SPIDR: variants seen among roughly 807,000 people sequenced by gnomAD.
The protein encoded by SPIDR is DNA repair-scaffolding protein.
SPIDR carries 93 observed loss-of-function variants against 104.6 expected under a neutral mutation model. The observed-to-expected ratio is 0.89, with a 90% CI of 0.75 to 1.06. SPIDR has a LOEUF of 1.06. Ranked by LOEUF, SPIDR falls within the 50% of genes least tolerant of loss-of-function variation. The pLI is 0.00. For synonymous variants in SPIDR, 431 were observed against 416.9 expected, an observed-to-expected ratio of 1.03 and a Z score of -0.41; for missense variants, 1,154 against 1,111.2, an observed-to-expected ratio of 1.04 and a Z score of -0.55.
chr8:47,580,780 A>G (rs1199452058), intron 8 of SPIDR, among the ~76,000 whole-genome samples: 1 of 152,206 alleles, frequency 6.6e-6, no homozygotes, highest in Non-Finnish European at 1.5e-5. Flanking sequence ...TATTCCCTGT[A>G]AATGTGAATG....
At chr8:47,597,752 G>C (rs1050255325) in intron 9 of SPIDR, among the ~76,000 whole-genome samples, 1 of 152,098 alleles carries the variant, frequency 6.6e-6, no homozygotes, top group African/African-American at 2.4e-5. Flanking sequence ...GAATTTTACT[G>C]ATCCTAAGCC....
intron 5 of SPIDR, among the ~76,000 whole-genome samples, chr8:47,323,727 A>G (rs1472559574): frequency 1.3e-5 from 2 of 152,198 alleles, no homozygotes; most frequent in Non-Finnish European, 2.9e-5. Context: ...GCAATGCCAG[A>G]TTCCTTTAGG....
intron 5 of SPIDR, among the ~76,000 whole-genome samples, chr8:47,336,215 A>C (rs1234514822): frequency 6.6e-6 from 1 of 151,784 alleles, no homozygotes; most frequent in Admixed American, 6.6e-5. Flanking sequence ...AAATCTGTTC[A>C]CCACTTGTTT....
At chr8:47,469,664 A>G (rs2075398176) in intron 8 of SPIDR, among the ~76,000 whole-genome samples, 1 of 152,176 alleles carries the variant, frequency 6.6e-6, no homozygotes, top group South Asian at 2.1e-4. Context: ...AGTGGGCACT[A>G]AATTATGAGA....
intron 8 of SPIDR, among the ~76,000 whole-genome samples, chr8:47,509,999 A>G (rs2082071514): frequency 6.6e-6 from 1 of 152,200 alleles, no homozygotes; most frequent in South Asian, 2.1e-4. Flanking sequence ...AATTTGTGTC[A>G]TGTCAAATGT....
At chr8:47,447,598 T>C (rs2070907216) in intron 8 of SPIDR, among the ~76,000 whole-genome samples, 1 of 152,206 alleles carries the variant, frequency 6.6e-6, no homozygotes, top group Admixed American at 6.5e-5. Flanking sequence ...TTTAGAGTAT[T>C]CCATAAACTT....
At chr8:47,409,241 G>A (rs188444580) in intron 7 of SPIDR, among the ~76,000 whole-genome samples, 1,920 of 152,162 alleles carry the variant, frequency 0.013, 133 homozygotes, top group Admixed American at 0.11. Context: ...TGGATGTCAA[G>A]GACTTGTACT....
intron 4 of SPIDR, among the ~76,000 whole-genome samples, chr8:47,292,189 A>G (rs1439147923): frequency 6.6e-6 from 1 of 152,196 alleles, no homozygotes; most frequent in Non-Finnish European, 1.5e-5. Context: ...CAGTGTCTTA[A>G]TGTTTTCAAA....
chr8:47,322,734 T>C (rs1014016067), intron 5 of SPIDR, among the ~76,000 whole-genome samples: 4 of 152,112 alleles, frequency 2.6e-5, no homozygotes, highest in Non-Finnish European at 5.9e-5. Flanking sequence ...GTGGCACATA[T>C]ACACCATGGA....
intron 5 of SPIDR, among the ~76,000 whole-genome samples, chr8:47,300,338 C>G (rs1351873418): frequency 6.6e-6 from 1 of 152,142 alleles, no homozygotes; most frequent in Non-Finnish European, 1.5e-5. Flanking sequence ...TGATTCTTCT[C>G]TCTTTTCTTC....
chr8:47,303,928 C>T (rs1370677866), intron 5 of SPIDR, among the ~76,000 whole-genome samples: 5 of 152,118 alleles, frequency 3.3e-5, no homozygotes, highest in African/African-American at 4.8e-5. Flanking sequence ...CCACCCACCT[C>T]GGCCTCCCAA....
At chr8:47,316,695 G>A (rs1015434219) in intron 5 of SPIDR, among the ~76,000 whole-genome samples, 1 of 152,160 alleles carries the variant, frequency 6.6e-6, no homozygotes, top group Non-Finnish European at 1.5e-5. Flanking sequence ...TCGATAGTGG[G>A]GTGGGGATTA....
intron 8 of SPIDR, among the ~76,000 whole-genome samples, chr8:47,503,063 G>A (rs954349784): frequency 6.6e-6 from 1 of 152,128 alleles, no homozygotes; most frequent in Non-Finnish European, 1.5e-5. Flanking sequence ...CCAACTATGT[G>A]GTCAGTTTTG....
At chr8:47,664,373 GATTTCAAACCAGCC>G (rs2074583857) in intron 10 of SPIDR, among the ~76,000 whole-genome samples, 1 of 152,066 alleles carries the variant, frequency 6.6e-6, no homozygotes, top group Non-Finnish European at 1.5e-5. Flanking sequence ...GCCGACAAAA[GATTTCAAACCAGCC>G]ATTATAACTA....
chr8:47,449,627 C>T (rs145999665), intron 8 of SPIDR, among the ~76,000 whole-genome samples: 120 of 152,124 alleles, frequency 7.9e-4, no homozygotes, highest in Non-Finnish European at 1.2e-3. Flanking sequence ...TAGTCTTTTC[C>T]GTCAAAATTA....
At chr8:47,569,875 AT>A (rs1432567117) in intron 8 of SPIDR, among the ~76,000 whole-genome samples, 1 of 152,218 alleles carries the variant, frequency 6.6e-6, no homozygotes, top group Non-Finnish European at 1.5e-5. Flanking sequence ...AATTAAACCA[AT>A]TTTATTTACA....
At chr8:47,670,823 G>T (rs146137367) in intron 10 of SPIDR, among the ~76,000 whole-genome samples, 3 of 152,124 alleles carry the variant, frequency 2.0e-5, no homozygotes, top group Non-Finnish European at 2.9e-5. Flanking sequence ...ATTTTGGGTT[G>T]TTTGTATTTT....
intron 10 of SPIDR, among the ~76,000 whole-genome samples, chr8:47,667,440 GAAAAAAAAAAAA>G (rs528607871): frequency 1.7e-4 from 9 of 52,606 alleles, no homozygotes; most frequent in Non-Finnish European, 2.9e-4. Context: ...CTTCAAAAGG[GAAAAAAAAAAAA>G]AAAAAAAAAA....
chr8:47,403,980 A>G (rs1554665547), intron 6 of SPIDR, among the ~76,000 whole-genome samples: 1 of 152,246 alleles, frequency 6.6e-6, no homozygotes, highest in African/African-American at 2.4e-5. Flanking sequence ...GCAAAGCAGC[A>G]TGGTACTGGT....
Sources: allele counts gnomAD v4.1 joint callset (sites outside exome capture counted in the v4.1 genomes callset), GRCh38; gene constraint gnomAD v4.1.1; transcripts MANE v1.5; gene names NCBI Gene and HGNC (gene_info 2026-07-23, HGNC 2026-07-21).